The following SLC38A12 variants were observed in gnomAD, a reference collection of about 807,000 sequenced individuals.
SLC38A12 encodes solute carrier family 38 member 12.
At chr17:74,779,755 C>T in the SLC38A12 span, among the ~76,000 whole-genome samples, 5 of 152,236 alleles carry the variant, frequency 3.3e-5, no homozygotes, top group Admixed American at 6.5e-5. Flanking sequence ...CTTCAGCCCA[C>T]GCGCATTTAC....
At chr17:74,816,865 C>A in the SLC38A12 span, among the ~76,000 whole-genome samples, 1 of 151,982 alleles carries the variant, frequency 6.6e-6, no homozygotes, top group South Asian at 2.1e-4. Context: ...ACTGGAAGAC[C>A]CAAGAGAGTA....
chr17:74,826,722 G>A, the SLC38A12 span, among the ~76,000 whole-genome samples: 1 of 152,216 alleles, frequency 6.6e-6, no homozygotes, highest in East Asian at 1.9e-4. Context: ...GTAGGCAGGT[G>A]CCACCCCAGG....
the SLC38A12 span, chr17:74,837,204 A>C: frequency 1.2e-5 from 12 of 985,302 alleles, no homozygotes; most frequent in Non-Finnish European, 1.4e-5. Context: ...GGCAGGGCCC[A>C]CCCTCCCACC....
At chr17:74,838,578 C>A in the SLC38A12 span, 1 of 1,237,240 alleles carries the variant, frequency 8.1e-7, no homozygotes, top group Non-Finnish European at 1.0e-6. Context: ...GTGTTCCCTG[C>A]CCTGGAGGGA....
the SLC38A12 span, chr17:74,795,135 G>A: frequency 1.9e-6 from 3 of 1,606,176 alleles, no homozygotes; most frequent in African/African-American, 4.0e-5. Flanking sequence ...TGGCCCCCAG[G>A]TTGGCGGTAG....
At chr17:74,788,034 TCCAC>T in the SLC38A12 span, among the ~76,000 whole-genome samples, 1 of 152,074 alleles carries the variant, frequency 6.6e-6, no homozygotes, top group African/African-American at 2.4e-5. Context: ...GACCTTGTGA[TCCAC>T]CCACCTCAAC....
At chr17:74,838,153 A>G in the SLC38A12 span, 6 of 985,668 alleles carry the variant, frequency 6.1e-6, no homozygotes, top group African/African-American at 1.0e-4. Context: ...AGCCTGGGAG[A>G]GTCCCTGCGT....
the SLC38A12 span, among the ~76,000 whole-genome samples, chr17:74,827,895 G>A: frequency 2.1e-5 from 3 of 142,258 alleles, no homozygotes; most frequent in South Asian, 2.2e-4. This position sits in a 1 kb window ranked among gnomAD's most constrained non-coding sequence, Gnocchi z 4.7. Context: ...CTGGTATTAC[G>A]CACCCACCCC....
At chr17:74,808,536 C>A in the SLC38A12 span, among the ~76,000 whole-genome samples, 2 of 152,312 alleles carry the variant, frequency 1.3e-5, no homozygotes, top group African/African-American at 4.8e-5. Flanking sequence ...CTTGCTGGTT[C>A]TGAGCCTCGT....
At chr17:74,836,162 C>T in the SLC38A12 span, 1 of 1,613,674 alleles carries the variant, frequency 6.2e-7, no homozygotes. The surrounding 1 kb of genome is among the most constrained non-coding windows in gnomAD (Gnocchi z 4.2). Flanking sequence ...GCCTCCTCTC[C>T]TTCACCGCCA....
At chr17:74,811,229 C>T in the SLC38A12 span, among the ~76,000 whole-genome samples, 1 of 152,062 alleles carries the variant, frequency 6.6e-6, no homozygotes, top group Non-Finnish European at 1.5e-5. Flanking sequence ...ATTCAAGAGG[C>T]TGAGGTGGGA....
At chr17:74,802,629 A>C in the SLC38A12 span, among the ~76,000 whole-genome samples, 1 of 152,222 alleles carries the variant, frequency 6.6e-6, no homozygotes, top group South Asian at 2.1e-4. Context: ...GATTTTCTTC[A>C]GATTTTTAGA....
the SLC38A12 span, among the ~76,000 whole-genome samples, chr17:74,817,963 A>G: frequency 6.6e-6 from 1 of 152,168 alleles, no homozygotes; most frequent in Non-Finnish European, 1.5e-5. Context: ...AGCAGACCAC[A>G]GTTACTTGGA....
the SLC38A12 span, among the ~76,000 whole-genome samples, chr17:74,808,187 C>T: frequency 6.6e-6 from 1 of 152,240 alleles, no homozygotes; most frequent in African/African-American, 2.4e-5. Flanking sequence ...GCCACTGGGC[C>T]AGCCCAGTCC....
At chr17:74,815,195 G>A in the SLC38A12 span, among the ~76,000 whole-genome samples, 498 of 152,270 alleles carry the variant, frequency 3.3e-3, 3 homozygotes, top group African/African-American at 0.011. Context: ...CTTGCAGCGG[G>A]CCATGAGCAT....
chr17:74,836,245 T>C, the SLC38A12 span: 9 of 1,611,488 alleles, frequency 5.6e-6, no homozygotes, highest in East Asian at 1.8e-4. This position sits in a 1 kb window ranked among gnomAD's most constrained non-coding sequence, Gnocchi z 4.2. Context: ...GTCGTGGGCC[T>C]GGCCGCTGTG....
At chr17:74,802,327 G>A in the SLC38A12 span, among the ~76,000 whole-genome samples, 2 of 152,100 alleles carry the variant, frequency 1.3e-5, no homozygotes, top group African/African-American at 2.4e-5. Context: ...CTAGTCCCCC[G>A]TGCCACCGCC....
the SLC38A12 span, among the ~76,000 whole-genome samples, chr17:74,799,648 G>A: frequency 1.3e-5 from 2 of 152,196 alleles, no homozygotes; most frequent in Middle Eastern, 3.2e-3. Context: ...CTCAGATTCA[G>A]GCTCAGGTTG....
At chr17:74,781,914 G>C in the SLC38A12 span, among the ~76,000 whole-genome samples, 5 of 152,190 alleles carry the variant, frequency 3.3e-5, no homozygotes, top group Non-Finnish European at 7.3e-5. Flanking sequence ...GAGCCTACCT[G>C]CCTCTTTCCC....
Sources: gnomAD v4.1 joint callset for allele counts (sites outside exome capture counted in the v4.1 genomes callset) on GRCh38, gnomAD v4.1.1 for gene constraint, Gnocchi (gnomAD v3.1) non-coding constraint, MANE v1.5 for transcripts, NCBI Gene and HGNC (gene_info 2026-07-23, HGNC 2026-07-21) for gene names.